The following SYT6 variants were observed in gnomAD, a reference collection of about 807,000 sequenced individuals.
SYT6 encodes synaptotagmin-6.
Under a neutral mutation model 38.4 loss-of-function variants are expected in SYT6, and 24 were observed. The observed-to-expected ratio is 0.62, with a 90% CI of 0.45 to 0.88. The LOEUF (loss-of-function observed/expected upper bound fraction) is 0.88, where lower values mean the gene tolerates loss of function less well. SYT6 is among the 40% of genes least tolerant of loss of function. The probability of loss-of-function intolerance (pLI) is 0.00; values close to 1 mark genes in which losing one functional copy is unlikely to be tolerated. For synonymous variants in SYT6, 265 were observed against 241.9 expected, an observed-to-expected ratio of 1.10 and a Z score of -0.89; for missense variants, 611 against 621.0, an observed-to-expected ratio of 0.98 and a Z score of 0.17.
Position 114,142,940 on chromosome 1 carries a change from G to GTA in SYT6, c.164-2979_164-2978dup, listed in dbSNP as rs1243438481. Among the ~76,000 whole-genome samples, 6 of 152,044 alleles carry GTA rather than the reference G, an allele frequency of 3.9e-5. 1 individual carries two copies. Among genetic ancestry groups the GTA allele is most frequent in the South Asian group, 4.2e-4 (2 of 4,808 alleles). On this transcript the variant is annotated intron_variant, in intron 1 of 7. Coordinates refer to ENST00000610222, the MANE Select transcript of SYT6 (RefSeq NM_001253772.2). ...ACAGTATATTTTACACTGTATATGTGTATATATATAGGTAAATATATTACA... is the reference window on the plus strand; with the variant it reads ...ACAGTATATTTTACACTGTATATGTGTATATATATATAGGTAAATATATTACA...
rs535447842 is a variant in SYT6 at position 114,103,800 on chromosome 1, C to A, written c.1072-79G>T. The A allele has an allele frequency of 2.0e-6, 3 of 1,529,904 alleles. No individual in the cohort carries two copies. In the Admixed American group the frequency reaches 6.0e-5, roughly 30 times the overall value. The allele number at this position is 1,529,904 out of a possible 1,614,324, so 94.8% of individuals were successfully genotyped here. ...ATGTCCAGTGCAGTATCTGCTGGGG[C>A]GCTCTGGGGTCAGGAGGAGGCTCTT... is the stretch of plus-strand genomic sequence containing the variant. On this transcript the variant is annotated intron_variant, in intron 3 of 7. Coordinates refer to ENST00000610222, the MANE Select transcript of SYT6 (RefSeq NM_001253772.2).
chr1:114,143,578 A>G lies in SYT6; in HGVS notation c.164-3615T>C, dbSNP rs201154496. ...TGTGCATGTGTGTGTGTGTGTGTAT[A>G]TATATATAACTTTTATATGCACTGG... On this transcript the variant is annotated intron_variant, in intron 1 of 7. Coordinates refer to ENST00000610222, the MANE Select transcript of SYT6 (RefSeq NM_001253772.2). Among the ~76,000 whole-genome samples the G allele has an allele frequency of 2.0e-3, 270 of 138,008 alleles. 6 individuals carry two copies. The East Asian group carries it at 0.038, about 20-fold the overall frequency. 90.5% of individuals were successfully genotyped at this position (138,008 alleles called of 152,430 possible).
intron 4 of SYT6, among the ~76,000 whole-genome samples, chr1:114,100,383 T>A (rs1382681348): frequency 1.3e-5 from 2 of 152,148 alleles, no homozygotes. Flanking sequence ...TATGGTTCTA[T>A]CTCCTGGACA....
At chr1:114,119,837 G>A (rs923001185) in intron 3 of SYT6, among the ~76,000 whole-genome samples, 2 of 152,080 alleles carry the variant, frequency 1.3e-5, no homozygotes, top group African/African-American at 2.4e-5. Context: ...TTTGGGAGGC[G>A]GAGGCAGGCG....
chr1:114,092,075 C>A lies in SYT6; in HGVS notation c.*59G>T. ...CTCACTGTCGAAGCTAGCAGCTCGG[C>A]CCTGCCACTGCAAAGAGGAGAACAA... On this transcript the variant is annotated 3_prime_UTR_variant, in exon 8 of 8. Coordinates refer to ENST00000610222, the MANE Select transcript of SYT6 (RefSeq NM_001253772.2). 1 of 1,536,254 alleles carries A rather than the reference C, an allele frequency of 6.5e-7. No individual in the cohort carries two copies. Among genetic ancestry groups the A allele is most frequent in the Admixed American group, 2.0e-5 (1 of 51,002 alleles).
chr1:114,104,664 C>T (rs1422431208), intron 3 of SYT6, among the ~76,000 whole-genome samples: 1 of 121,148 alleles, frequency 8.3e-6, no homozygotes, highest in Non-Finnish European at 1.8e-5. Flanking sequence ...TCAGATGAGG[C>T]CCTCCATCCA....
chr1:114,099,027 G>A (rs1675809955), intron 5 of SYT6, 67 bp downstream of exon 5: 1 of 1,500,552 alleles, frequency 6.7e-7, no homozygotes, highest in Admixed American at 2.0e-5. Flanking sequence ...TAAGGTCAAG[G>A]AGCCCTGTGC....
rs561439815 is a variant in SYT6, at chr1:114,112,564, G to A, written c.1072-8843C>T. On this transcript the variant is annotated intron_variant, in intron 3 of 7. Transcript: ENST00000610222. Reference sequence around the variant, plus strand: ...GTGGAGAAGAAGAGGGGCTGAGAGAGTGGAAAGGAGCTTGAGAGGAGTGGA... The same window carrying A: ...GTGGAGAAGAAGAGGGGCTGAGAGAATGGAAAGGAGCTTGAGAGGAGTGGA... Among the ~76,000 whole-genome samples, 294 of 152,346 alleles carry A rather than the reference G, an allele frequency of 1.9e-3. 1 individual carries two copies. Among genetic ancestry groups the A allele is most frequent in the African/African-American group, 7.0e-3 (289 of 41,576 alleles).
chr1:114,106,914 T>A (rs1482920504), intron 3 of SYT6, among the ~76,000 whole-genome samples: 1 of 152,204 alleles, frequency 6.6e-6, no homozygotes, highest in African/African-American at 2.4e-5. Flanking sequence ...TGCTTCAGCA[T>A]GCCCAGCAGG....
intron 3 of SYT6, among the ~76,000 whole-genome samples, chr1:114,113,061 C>T (rs568154584): frequency 3.9e-5 from 6 of 152,332 alleles, no homozygotes; most frequent in African/African-American, 1.4e-4. Context: ...CACAGGCCTG[C>T]ACTGCGTGAC....
At chr1:114,099,299 G>A in intron 4 of SYT6, 34 bp from the exon 5 acceptor site, 5 of 1,590,964 alleles carry the variant, frequency 3.1e-6, no homozygotes, top group Non-Finnish European at 4.3e-6. Flanking sequence ...AGGGAATGGA[G>A]TATGTTAAAC....
chr1:114,102,936 C>A (rs759794393), intron 4 of SYT6, among the ~76,000 whole-genome samples: 1 of 152,222 alleles, frequency 6.6e-6, no homozygotes, highest in Non-Finnish European at 1.5e-5. Context: ...AAACCTCTGA[C>A]ACTACGTCCA....
intron 3 of SYT6, among the ~76,000 whole-genome samples, chr1:114,115,167 GC>G (rs879531288): frequency 1.3e-5 from 2 of 152,148 alleles, no homozygotes; most frequent in Non-Finnish European, 2.9e-5. Flanking sequence ...AAATTCTTGG[GC>G]CCTACCCTCA....
At chr1:114,129,616 C>CTTTCTTTCTTT (rs767321115) in intron 3 of SYT6, among the ~76,000 whole-genome samples, 1 of 58,912 alleles carries the variant, frequency 1.7e-5, no homozygotes, top group Non-Finnish European at 3.9e-5. Context: ...TTCTTTCTTT[C>CTTTCTTTCTTT]CTTTCTTTCT....
intron 1 of SYT6, among the ~76,000 whole-genome samples, chr1:114,142,600 A>G (rs1021186980): frequency 2.9e-4 from 44 of 152,332 alleles, no homozygotes; most frequent in African/African-American, 1.1e-3. Flanking sequence ...AAGAAGTTCT[A>G]CTATGGATAA....
intron 3 of SYT6, among the ~76,000 whole-genome samples, chr1:114,124,332 G>A (rs1677598617): frequency 6.6e-6 from 1 of 152,192 alleles, no homozygotes; most frequent in South Asian, 2.1e-4. Flanking sequence ...GGTTTTAAAT[G>A]TGAGAAGATG....
intron 3 of SYT6, among the ~76,000 whole-genome samples, chr1:114,115,982 G>A (rs555984815): frequency 4.6e-5 from 7 of 152,114 alleles, no homozygotes; most frequent in Admixed American, 2.0e-4. Context: ...GCCGAGGACC[G>A]TGTAGGTTTT....
chr1:114,131,877 C>T (rs1018328227), intron 3 of SYT6, among the ~76,000 whole-genome samples: 1 of 152,184 alleles, frequency 6.6e-6, no homozygotes, highest in Admixed American at 6.5e-5. Flanking sequence ...AGTGAGAGAA[C>T]CTAACAAGTC....
At chr1:114,150,337 C>T (rs1424197629) in intron 1 of SYT6, among the ~76,000 whole-genome samples, 1 of 152,126 alleles carries the variant, frequency 6.6e-6, no homozygotes, top group East Asian at 1.9e-4. Context: ...GATACTGGAC[C>T]CTGCTTCTAG....
Sources: gnomAD v4.1 joint callset for allele counts (sites outside exome capture counted in the v4.1 genomes callset) on GRCh38, gnomAD v4.1.1 for gene constraint, MANE v1.5 for transcripts, NCBI Gene and HGNC (gene_info 2026-07-23, HGNC 2026-07-21) for gene names.